FARP1: variants seen among roughly 807,000 people sequenced by gnomAD.
FARP1 encodes the protein FERM, ARH/RhoGEF and pleckstrin domain protein 1.
A neutral mutation model predicts 128.8 loss-of-function variants in FARP1; 52 were observed. The ratio of observed to expected loss-of-function variants is 0.40; its 90% CI spans 0.32 to 0.51. The LOEUF (loss-of-function observed/expected upper bound fraction) is 0.51, where lower values mean the gene tolerates loss of function less well. Ranked by LOEUF, FARP1 falls within the 20% of genes least tolerant of loss-of-function variation. The pLI is 0.45. For synonymous variants in FARP1, 580 were observed against 551.8 expected (o/e 1.05, Z -0.72); for missense variants, 1,333 against 1,367.9 (o/e 0.97, Z 0.40).
rs1234392919 is a variant in FARP1 at position 98,377,857 on chromosome 13, T to A, written c.435T>A (p.Ala145=). 2 of 1,613,954 alleles carry A rather than the reference T, an allele frequency of 1.2e-6. No homozygotes were observed. Among genetic ancestry groups the A allele is most frequent in the African/African-American group, 2.7e-5 (2 of 74,918 alleles). The part of the protein sequence containing the change: ...LFALQVKQDL[A]QGRLTCNDTS... Reference sequence around the variant, plus strand: ...CGCTGCAGGTGAAGCAGGACTTGGCTCAAGGCAGGTTGACGTGTAATGACA... The same window carrying A: ...CGCTGCAGGTGAAGCAGGACTTGGCACAAGGCAGGTTGACGTGTAATGACA... Residue 145 remains alanine, a synonymous_variant, in exon 6 of 27, where the codon GCT becomes GCA. Transcript: ENST00000319562.
At chr13:98,373,229 C>T (rs1267380434) in intron 5 of FARP1, among the ~76,000 whole-genome samples, 1 of 152,100 alleles carries the variant, frequency 6.6e-6, no homozygotes, top group African/African-American at 2.4e-5. Context: ...GCCAGACTGC[C>T]CATGCGTTTG....
intron 3 of FARP1, among the ~76,000 whole-genome samples, chr13:98,362,006 A>G (rs7324870): frequency 0.44 from 67,126 of 152,090 alleles, 16,526 homozygotes; most frequent in Non-Finnish European, 0.58. Flanking sequence ...GCTCATGCCT[A>G]TAATCCCAGC....
At chr13:98,392,436 G>A (rs1331020425) in intron 11 of FARP1, among the ~76,000 whole-genome samples, 1 of 150,752 alleles carries the variant, frequency 6.6e-6, no homozygotes, top group East Asian at 1.9e-4. Flanking sequence ...GGAGGTCAAG[G>A]CTGCAGTGAG....
At chr13:98,296,621 G>A (rs575654287) in intron 2 of FARP1, among the ~76,000 whole-genome samples, 1 of 150,748 alleles carries the variant, frequency 6.6e-6, no homozygotes, top group African/African-American at 2.4e-5. Context: ...CCCTTCTGAA[G>A]TTCTGAGCCA....
chr13:98,334,182 A>G (rs1427557425), intron 2 of FARP1: 2 of 152,220 alleles, frequency 1.3e-5, no homozygotes, highest in Non-Finnish European at 2.9e-5. Context: ...CAGCCTGGAA[A>G]GTCCCAGTAG....
chr13:98,153,028 T>A (rs1325839763), intron 1 of FARP1, among the ~76,000 whole-genome samples: 2 of 151,978 alleles, frequency 1.3e-5, no homozygotes, highest in Non-Finnish European at 2.9e-5. Flanking sequence ...ATATCATCTA[T>A]CTGCACATTT....
chr13:98,446,795 G>A lies in FARP1; in HGVS notation c.3034G>A (p.Glu1012Lys). The A allele has an allele frequency of 6.2e-7, 1 of 1,614,130 alleles. No individual in the cohort carries two copies. The highest frequency in any genetic ancestry group is 8.5e-7 in the Non-Finnish European group (1 of 1,180,032). The stretch of plus-strand genomic sequence containing the variant: ...GTCCCACGTCTACTACTTCAGGGCG[G>A]AAAGCGAGTACACGTTCGAAAGGTA... ...FKSHVYYFRA[E>K]SEYTFERWME... Residue 1012 changes from glutamate (E) to lysine (K), a missense_variant, in exon 26 of 27, where the codon GAA becomes AAA. Transcript: ENST00000319562.
At chr13:98,359,027 C>T (rs1456933054) in intron 3 of FARP1, among the ~76,000 whole-genome samples, 1 of 152,180 alleles carries the variant, frequency 6.6e-6, no homozygotes, top group Non-Finnish European at 1.5e-5. Context: ...CAAATATTTT[C>T]TTGGCTCCTA....
At chr13:98,233,532 G>GT (rs1346108678) in intron 2 of FARP1, 1 of 152,176 alleles carries the variant, frequency 6.6e-6, no homozygotes, top group Non-Finnish European at 1.5e-5. Context: ...GGCCAGGAGG[G>GT]TTCCCCAGCT....
chr13:98,273,218 G>T (rs56821953), intron 2 of FARP1, among the ~76,000 whole-genome samples: 18 of 152,262 alleles, frequency 1.2e-4, no homozygotes, highest in Non-Finnish European at 2.2e-4. Flanking sequence ...GTAAAGCTTT[G>T]TCTAAAAATG....
At chr13:98,443,628 A>T (rs1353082224) in intron 24 of FARP1, among the ~76,000 whole-genome samples, 1 of 152,140 alleles carries the variant, frequency 6.6e-6, no homozygotes, top group Non-Finnish European at 1.5e-5. Context: ...GTGTGGCCTC[A>T]CTGGCCTCTG....
chr13:98,297,043 T>C (rs1885727749), intron 2 of FARP1, among the ~76,000 whole-genome samples: 1 of 152,256 alleles, frequency 6.6e-6, no homozygotes, highest in African/African-American at 2.4e-5. Flanking sequence ...AATATTCATA[T>C]ATCACCTTTC....
At chr13:98,383,730 C>G (rs1397140065) in intron 6 of FARP1, 1 of 152,180 alleles carries the variant, frequency 6.6e-6, no homozygotes, top group Non-Finnish European at 1.5e-5. Context: ...TGACCTTGAA[C>G]TAGTGTTGTT....
chr13:98,203,818 A>C (rs760669936), intron 1 of FARP1: 9 of 152,188 alleles, frequency 5.9e-5, no homozygotes, highest in African/African-American at 1.4e-4. Context: ...TGCCAAACTT[A>C]TGATTACAAT....
chr13:98,270,063 G>A (rs1472858922), intron 2 of FARP1, among the ~76,000 whole-genome samples: 1 of 152,166 alleles, frequency 6.6e-6, no homozygotes, highest in African/African-American at 2.4e-5. Flanking sequence ...TGAGATCACT[G>A]AATCTAACTG....
chr13:98,327,357 T>A (rs1321418111), intron 2 of FARP1, among the ~76,000 whole-genome samples: 1 of 152,154 alleles, frequency 6.6e-6, no homozygotes, highest in Non-Finnish European at 1.5e-5. Context: ...TACATTTGCC[T>A]TCAATTTTCA....
intron 9 of FARP1, among the ~76,000 whole-genome samples, chr13:98,388,974 G>A (rs931615399): frequency 6.6e-6 from 1 of 152,244 alleles, no homozygotes; most frequent in African/African-American, 2.4e-5. Flanking sequence ...CCCACGCCAG[G>A]ACTGGGACGG....
intron 2 of FARP1, among the ~76,000 whole-genome samples, chr13:98,219,343 T>C (rs61417574): frequency 0.019 from 2,872 of 152,166 alleles, 106 homozygotes; most frequent in African/African-American, 0.066. Context: ...TTTGTCTATA[T>C]TTATTTATTA....
At chr13:98,429,170 T>C (rs1297128088) in intron 17 of FARP1, among the ~76,000 whole-genome samples, 1 of 152,172 alleles carries the variant, frequency 6.6e-6, no homozygotes, top group Non-Finnish European at 1.5e-5. Context: ...ATAAGGGCGG[T>C]TGTGGAAAGA....
Sources: allele counts gnomAD v4.1 joint callset (sites outside exome capture counted in the v4.1 genomes callset), GRCh38; gene constraint gnomAD v4.1.1; transcripts MANE v1.5; gene names NCBI Gene and HGNC (gene_info 2026-07-23, HGNC 2026-07-21).